The following FLT1 variants were observed in gnomAD, a reference collection of about 807,000 sequenced individuals.
FLT1 encodes fms related receptor tyrosine kinase 1.
Under a neutral mutation model 156.3 loss-of-function variants are expected in FLT1, and 49 were observed. The ratio of observed to expected loss-of-function variants is 0.31; its 90% confidence interval spans 0.25 to 0.40. The LOEUF is 0.40. FLT1 is among the 10% of genes least tolerant of loss of function. The pLI is 1.00. For synonymous variants in FLT1, 594 were observed against 583.8 expected, an observed-to-expected ratio of 1.02 and a Z score of -0.25; for missense variants, 1,322 against 1,637.2, an observed-to-expected ratio of 0.81 and a Z score of 3.32.
rs766569666 is a variant in FLT1, at chr13:28,390,006, C to T, written c.1759G>A (p.Val587Ile). ...ACTGTCCGCAGTAAAATCCAAGTAA[C>T]GTCTCTGTATAAGAACTTGTTAACT... ...CTVNKFLYRD[V>I]TWILLRTVNN... Residue 587 changes from valine (V) to isoleucine (I), a missense_variant, in exon 13 of 30, where the codon GTT (valine) becomes ATT (isoleucine). By Grantham distance (29) the Val-to-Ile change is conservative. Transcript: ENST00000282397. 15 of 1,614,040 alleles carry T rather than the reference C, an allele frequency of 9.3e-6. No homozygotes were observed. The highest frequency in any genetic ancestry group is 2.7e-5 in the African/African-American group (2 of 74,918).
chr13:28,396,738 C>T, intron 12 of FLT1: 3 of 653,552 alleles, frequency 4.6e-6, no homozygotes, highest in Admixed American at 4.4e-5. Context: ...GGGAGGGAGA[C>T]AAACACAAAT....
chr13:28,317,650 A>T (rs1006260517), intron 24 of FLT1, 53 bp from the exon 25 acceptor site: 2 of 1,138,068 alleles, frequency 1.8e-6, no homozygotes, highest in African/African-American at 3.0e-5. Context: ...AAGGGTACAA[A>T]AGACCAAGAG....
chr13:28,466,952 A>C lies in FLT1; in HGVS notation c.339T>G (p.Pro113=). ...GFYSCKYLAV[P]TSKKKETESA... ...ATTCTGTTTCCTTCTTCTTTGAAGTAGGTACAGCTAGATATTTGCAGCTGT... is the reference window on the plus strand; with the variant it reads ...ATTCTGTTTCCTTCTTCTTTGAAGTCGGTACAGCTAGATATTTGCAGCTGT... The change falls in exon 3 of 30, where the codon CCT becomes CCG. Residue 113 remains proline (P), a synonymous_variant. Coordinates refer to ENST00000282397, the MANE Select transcript of FLT1 (RefSeq NM_002019.4). 1.9e-6 allele frequency: 3 copies of C among 1,613,856 alleles called. No homozygotes were observed. The highest frequency in any genetic ancestry group is 2.2e-5 in the South Asian group (2 of 91,078).
chr13:28,489,291 T>G (rs1365341723), intron 1 of FLT1, among the ~76,000 whole-genome samples: 2 of 152,240 alleles, frequency 1.3e-5, no homozygotes, highest in Admixed American at 6.5e-5. Flanking sequence ...TGTCTGAGAT[T>G]GCTTCTGCGA....
At chr13:28,305,853 T>A (rs1413376130) in intron 29 of FLT1, among the ~76,000 whole-genome samples, 1 of 152,170 alleles carries the variant, frequency 6.6e-6, no homozygotes, top group Admixed American at 6.5e-5. Context: ...TATTCTTCCA[T>A]TGTGGCCCAG....
chr13:28,400,072 C>T (rs779810112), intron 11 of FLT1, among the ~76,000 whole-genome samples: 12 of 152,142 alleles, frequency 7.9e-5, no homozygotes, highest in Non-Finnish European at 1.5e-4. Context: ...TGTCTGCCTC[C>T]GCGCCTATGC....
intron 25 of FLT1, among the ~76,000 whole-genome samples, chr13:28,312,421 C>T (rs868161965): frequency 1.3e-5 from 2 of 151,730 alleles, no homozygotes; most frequent in Admixed American, 6.6e-5. Flanking sequence ...CACAGCAATT[C>T]GGAAAGGAAA....
intron 14 of FLT1, among the ~76,000 whole-genome samples, chr13:28,372,162 A>G (rs1481317457): frequency 1.4e-5 from 2 of 142,750 alleles, no homozygotes; most frequent in South Asian, 2.3e-4. Flanking sequence ...GCTCACTGCA[A>G]CCTCTGCCTC....
chr13:28,409,127 T>C (rs1023552869), intron 10 of FLT1, among the ~76,000 whole-genome samples: 1 of 152,180 alleles, frequency 6.6e-6, no homozygotes, highest in Non-Finnish European at 1.5e-5. Flanking sequence ...TTACTAGTCT[T>C]CTTCTCTTGA....
At chr13:28,381,701 C>T (rs1389836861) in intron 14 of FLT1, among the ~76,000 whole-genome samples, 1 of 152,134 alleles carries the variant, frequency 6.6e-6, no homozygotes, top group African/African-American at 2.4e-5. Flanking sequence ...CAAAACTACC[C>T]ATCTTGGTAG....
intron 17 of FLT1, among the ~76,000 whole-genome samples, chr13:28,335,194 C>T (rs756969003): frequency 6.6e-6 from 1 of 152,036 alleles, no homozygotes; most frequent in Non-Finnish European, 1.5e-5. Flanking sequence ...CATGATATAC[C>T]CAAAGAAGAG....
In FLT1 at chr13:28,466,909, T is replaced by A. The variant is rs35073261; in HGVS notation, c.382A>T (p.Ile128Phe). ...KETESAIYIF[I>F]SDTGRPFVEM... is the part of the protein sequence containing the mutation. ...TAGAAAATGGAAGTCTTACCACTAA[T>A]AAATATATAGATTGCAGATTCTGTT... The change falls in exon 3 of 30, where the codon ATT becomes TTT. Residue 128 changes from isoleucine (I) to phenylalanine (F), a missense_variant. Around this residue, in one of 3 missense-constraint regions of FLT1, gnomAD observed 991 missense variants for 1,254.8 expected, o/e 0.79. Transcript: ENST00000282397. 6.2e-7 allele frequency: 1 copy of A among 1,601,058 alleles called. No individual in the cohort carries two copies. Among genetic ancestry groups the A allele is most frequent in the Non-Finnish European group, 8.6e-7 (1 of 1,168,036 alleles).
chr13:28,386,712 T>C, intron 13 of FLT1: 1 of 1,055,920 alleles, frequency 9.5e-7, no homozygotes. Context: ...GCTTGCTCAT[T>C]ACAATTTTGA....
At position 28,308,863 on chromosome 13, in the gene FLT1, T is replaced by A. The variant is rs2138809865; in HGVS notation, c.3700A>T (p.Asn1234Tyr). The change falls in exon 28 of 30, where the codon AAT becomes TAT. Residue 1234 changes from asparagine to tyrosine, a missense_variant. By Grantham distance (143) the Asn-to-Tyr change is moderately radical. Coordinates refer to ENST00000282397, the MANE Select transcript of FLT1 (RefSeq NM_002019.4). ...CTTACATCAAACATGGAGGTGGCAT[T>A]CGGTAAAAGTTCTTCAAAGGTTTTG... ...RIKTFEELLPNATSMFDDYQG... is the reference protein window; with the variant it reads ...RIKTFEELLPYATSMFDDYQG... 1 of 1,612,248 alleles carries A rather than the reference T, an allele frequency of 6.2e-7. No homozygotes were observed. The highest frequency in any genetic ancestry group is 8.5e-7 in the Non-Finnish European group (1 of 1,178,278).
intron 1 of FLT1, among the ~76,000 whole-genome samples, chr13:28,472,688 TA>T (rs1314426020): frequency 1.3e-5 from 2 of 152,280 alleles, no homozygotes; most frequent in South Asian, 2.1e-4. Context: ...TTCCATTTTT[TA>T]TTATGAGTCA....
intron 16 of FLT1, among the ~76,000 whole-genome samples, chr13:28,343,162 T>C (rs1872409755): frequency 1.3e-5 from 2 of 152,138 alleles, no homozygotes; most frequent in African/African-American, 4.8e-5. Flanking sequence ...TTTGTATTTT[T>C]AGTAGAGACG....
At chr13:28,492,753 G>A (rs942728491) in intron 1 of FLT1, among the ~76,000 whole-genome samples, 4 of 152,134 alleles carry the variant, frequency 2.6e-5, no homozygotes, top group South Asian at 4.1e-4. Context: ...GCCCTGATGC[G>A]GTTTGTAAAG....
intron 1 of FLT1, among the ~76,000 whole-genome samples, chr13:28,490,838 T>C (rs1028027823): frequency 6.6e-6 from 1 of 152,178 alleles, no homozygotes; most frequent in African/African-American, 2.4e-5. Context: ...AATGATGATA[T>C]TTACTTGATA....
At chr13:28,374,417 AAAAC>A (rs1408797629) in intron 14 of FLT1, among the ~76,000 whole-genome samples, 1 of 149,812 alleles carries the variant, frequency 6.7e-6, no homozygotes, top group Non-Finnish European at 1.5e-5. Flanking sequence ...CATGTCTCAA[AAAAC>A]AAACAAAAAA....
Sources: allele counts gnomAD v4.1 joint callset (sites outside exome capture counted in the v4.1 genomes callset), GRCh38; gene constraint gnomAD v4.1.1; regional missense constraint gnomAD v4.1.1; transcripts MANE v1.5; gene names NCBI Gene and HGNC (gene_info 2026-07-23, HGNC 2026-07-21).